Variants in RNF114 observed in about 807,000 individuals in gnomAD.
RNF114 encodes the protein E3 ubiquitin-protein ligase RNF114.
Under a neutral mutation model 28.4 loss-of-function variants are expected in RNF114, and 6 were observed. The observed-to-expected ratio is 0.21, with a 90% CI of 0.12 to 0.42. The LOEUF is 0.42. Ranked by LOEUF, RNF114 falls within the 10% of genes least tolerant of loss-of-function variation. RNF114 has a pLI of 1.00. For synonymous variants in RNF114, 115 were observed against 116.7 expected (o/e 0.99, Z 0.09); for missense variants, 249 against 311.7 (o/e 0.80, Z 1.51).
At chr20:49,937,698 C>T (rs76695819) in intron 1 of RNF114, among the ~76,000 whole-genome samples, 15 of 152,270 alleles carry the variant, frequency 9.9e-5, no homozygotes, top group African/African-American at 3.1e-4. Flanking sequence ...CTCTTCCCCC[C>T]ACCCCTCCCT....
chr20:49,952,428 G>C lies in RNF114; in HGVS notation c.*287G>C. 1 of 525,030 alleles carries C rather than the reference G, an allele frequency of 1.9e-6. No individual in the cohort carries two copies. 32.5% of individuals were successfully genotyped at this position (525,030 alleles called of 1,614,324 possible). ...GGAGCTTCTGCCGCCTCCTGTGGAA[G>C]ATAATCTAGCTTCTCCACCTCTTGT... On this transcript the variant is annotated 3_prime_UTR_variant, in exon 6 of 6. Transcript: ENST00000244061.
chr20:49,943,833 T>TATATATATATAC (rs769534499), intron 2 of RNF114: 1 of 122,966 alleles, frequency 8.1e-6, no homozygotes, highest in Non-Finnish European at 1.7e-5. Context: ...TATATATATA[T>TATATATATATAC]ACACACACAC....
intron 5 of RNF114, among the ~76,000 whole-genome samples, chr20:49,951,084 A>T (rs2090353658): frequency 6.6e-6 from 1 of 152,164 alleles, no homozygotes; most frequent in Admixed American, 6.6e-5. Flanking sequence ...GGCCAACTAT[A>T]TCAAGTAAAC....
rs530808528 is a variant in RNF114, at chr20:49,940,292, A to T, written c.141-1269A>T. ...CCTCTGCTAGCTGACCTCTTTTTTTAAAATGCCAGAGGGGTAATGGGCCAA... is the reference window on the plus strand; with the variant it reads ...CCTCTGCTAGCTGACCTCTTTTTTTTAAATGCCAGAGGGGTAATGGGCCAA... On this transcript the variant is annotated intron_variant, in intron 1 of 5. Transcript: ENST00000244061. Among the ~76,000 whole-genome samples, 5 of 152,146 alleles carry T rather than the reference A, an allele frequency of 3.3e-5. No individual in the cohort carries two copies. In the South Asian group the frequency reaches 8.3e-4, roughly 25 times the overall value.
In RNF114 at chr20:49,941,554, G is replaced by A. The variant is rs763120260; in HGVS notation, c.141-7G>A. The A allele has an allele frequency of 1.3e-6, 2 of 1,585,480 alleles. No homozygotes were observed. Among genetic ancestry groups the A allele is most frequent in the South Asian group, 2.3e-5 (2 of 88,856 alleles). ...GTGACAGAGGTTCTCTGTATGTCTTGTTCTAGCTTTTGCTCTGCATGCCTG... is the reference window on the plus strand; with the variant it reads ...GTGACAGAGGTTCTCTGTATGTCTTATTCTAGCTTTTGCTCTGCATGCCTG... On this transcript the variant is annotated splice_region_variant and splice_polypyrimidine_tract_variant and intron_variant, in intron 1 of 5. Transcript: ENST00000244061.
intron 5 of RNF114, 137 bp downstream of exon 5, chr20:49,949,492 ATAC>A: frequency 1.4e-6 from 1 of 701,008 alleles, no homozygotes; most frequent in Non-Finnish European, 2.5e-6. Flanking sequence ...TGTATACTGG[ATAC>A]AGTGATAAAG....
Position 49,952,432 on chromosome 20 carries a change from A to G in RNF114, c.*291A>G, listed in dbSNP as rs1156700094. On this transcript the variant is annotated 3_prime_UTR_variant, in exon 6 of 6. Coordinates refer to ENST00000244061, the MANE Select transcript of RNF114 (RefSeq NM_018683.4). ...CTTCTGCCGCCTCCTGTGGAAGATA[A>G]TCTAGCTTCTCCACCTCTTGTTTCA... The G allele has an allele frequency of 9.6e-6, 5 of 521,626 alleles. No homozygotes were observed. The highest frequency in any genetic ancestry group is 3.2e-5 in the South Asian group (1 of 31,696). The allele number at this position is 521,626 out of a possible 1,614,324, so 32.3% of individuals were successfully genotyped here.
intron 4 of RNF114, among the ~76,000 whole-genome samples, chr20:49,947,255 T>C (rs2090336431): frequency 7.9e-6 from 1 of 125,878 alleles, no homozygotes; most frequent in African/African-American, 3.1e-5. Context: ...ATTTGTTCCA[T>C]CTTAGCAATG....
At position 49,936,753 on chromosome 20, in the gene RNF114, C is replaced by T. The variant is rs558211898; in HGVS notation, c.140+201C>T. 3.3e-5 allele frequency among the ~76,000 whole-genome samples: 5 copies of T among 152,232 alleles called. No homozygotes were observed. In the South Asian group the frequency reaches 6.2e-4, roughly 19 times the overall value. ...CCCGCTCACTCCTAAGTATCCCGTT[C>T]CTCCGCCCGTCTTAGCGGGGCAGCT... is the stretch of plus-strand genomic sequence containing the variant. On this transcript the variant is annotated intron_variant, in intron 1 of 5. Coordinates refer to ENST00000244061, the MANE Select transcript of RNF114 (RefSeq NM_018683.4).
chr20:49,942,857 G>A (rs2090313088), intron 2 of RNF114, among the ~76,000 whole-genome samples: 2 of 152,142 alleles, frequency 1.3e-5, no homozygotes, highest in East Asian at 1.9e-4. Context: ...TTCGAAAGCT[G>A]CATAACATTT....
intron 1 of RNF114, among the ~76,000 whole-genome samples, chr20:49,939,900 T>G (rs1016663246): frequency 2.0e-5 from 3 of 151,658 alleles, no homozygotes; most frequent in African/African-American, 7.3e-5. Flanking sequence ...ACTAAAAATA[T>G]AAAATTAGCT....
In RNF114 at chr20:49,939,372, A is replaced by G. The variant is rs1429797613; in HGVS notation, c.141-2189A>G. On this transcript the variant is annotated intron_variant, in intron 1 of 5. Coordinates refer to ENST00000244061, the MANE Select transcript of RNF114 (RefSeq NM_018683.4). ...AGCATTAACATCTAACTTAATGACA[A>G]GGAGGAAGGAGATTCTTAGAGGCAG... Among the ~76,000 whole-genome samples the G allele has an allele frequency of 2.6e-5, 4 of 152,170 alleles. No individual in the cohort carries two copies. The East Asian group carries it at 5.8e-4, about 22-fold the overall frequency.
chr20:49,941,518 C>T (rs775722244), intron 1 of RNF114, 43 bp from the exon 2 acceptor site: 2 of 1,528,472 alleles, frequency 1.3e-6, no homozygotes, highest in African/African-American at 1.4e-5. Flanking sequence ...GTCGTCTTGT[C>T]TCCATGATGC....
chr20:49,938,636 C>T (rs1487651680), intron 1 of RNF114, among the ~76,000 whole-genome samples: 4 of 152,096 alleles, frequency 2.6e-5, no homozygotes, highest in Admixed American at 2.0e-4. Context: ...AGCACTGTGA[C>T]GGAGTGGAGC....
At chr20:49,950,672 G>C in intron 5 of RNF114, among the ~76,000 whole-genome samples, 1 of 132,086 alleles carries the variant, frequency 7.6e-6, no homozygotes. Flanking sequence ...AACAGAATGA[G>C]ACCCTGTCTC....
At chr20:49,951,894 G>C (rs1412507971) in intron 5 of RNF114, among the ~76,000 whole-genome samples, 182 bp from the exon 6 acceptor site, 1 of 151,854 alleles carries the variant, frequency 6.6e-6, no homozygotes, top group Non-Finnish European at 1.5e-5. Context: ...AAAAAGAGAA[G>C]GCAGCAGAGA....
intron 2 of RNF114, among the ~76,000 whole-genome samples, chr20:49,942,886 CTG>C (rs2090313203): frequency 6.6e-6 from 1 of 152,172 alleles, no homozygotes; most frequent in Admixed American, 6.6e-5. Context: ...TTGACAAACA[CTG>C]TAGAATTTTT....
chr20:49,950,692 A>AC (rs1039218010), intron 5 of RNF114, among the ~76,000 whole-genome samples: 4 of 143,798 alleles, frequency 2.8e-5, no homozygotes, highest in African/African-American at 7.6e-5. Context: ...CAAAAAAAAA[A>AC]AAAAAAAACA....
intron 1 of RNF114, 93 bp from the exon 2 acceptor site, chr20:49,941,468 C>T: frequency 7.2e-7 from 1 of 1,388,414 alleles, no homozygotes; most frequent in South Asian, 1.5e-5. Context: ...TTTTTTACTC[C>T]ATTATCCATT....
Sources: allele counts gnomAD v4.1 joint callset (sites outside exome capture counted in the v4.1 genomes callset), GRCh38; gene constraint gnomAD v4.1.1; transcripts MANE v1.5; gene names NCBI Gene and HGNC (gene_info 2026-07-23, HGNC 2026-07-21).